TAB2: variants seen among roughly 807,000 people sequenced by gnomAD.
The protein encoded by TAB2 is TGF-beta activated kinase 1 (MAP3K7) binding protein 2, also known as TGF-beta-activated kinase 1 and MAP3K7-binding protein 2.
Under a neutral mutation model 65.0 loss-of-function variants are expected in TAB2, and 3 were observed. The ratio of observed to expected loss-of-function variants is 0.05; its 90% CI spans 0.02 to 0.12. The LOEUF (loss-of-function observed/expected upper bound fraction) is 0.12. TAB2 is among the 10% of genes least tolerant of loss of function. The pLI, the probability that TAB2 is intolerant of heterozygous loss-of-function variation, is 1.00. For missense variants in TAB2, 623 were observed against 840.3 expected (o/e 0.74, Z 3.20); for synonymous variants, 298 against 285.1 (o/e 1.05, Z -0.46).
chr6:149,238,890 G>A (rs73601887), intron 1 of TAB2, among the ~76,000 whole-genome samples: 5 of 152,126 alleles, frequency 3.3e-5, no homozygotes, highest in Admixed American at 6.6e-5. Context: ...CAGAGCCTTC[G>A]CCAATGTTCA....
upstream of TAB2, among the ~76,000 whole-genome samples, chr6:149,314,664 T>C (rs201641387): frequency 7.2e-5 from 11 of 152,354 alleles, no homozygotes; most frequent in East Asian, 2.1e-3. Context: ...TAGTGCAGTC[T>C]GTTCTACTAC....
intron 1 of TAB2, among the ~76,000 whole-genome samples, chr6:149,249,365 A>G (rs1180445440): frequency 1.3e-5 from 2 of 151,920 alleles, no homozygotes; most frequent in African/African-American, 2.4e-5. Context: ...AGGACCTACA[A>G]ATCTAGGACC....
rs868509958 is a variant in TAB2, at chr6:149,322,611, T to G, written c.-90+4596T>G. 2.2e-4 allele frequency among the ~76,000 whole-genome samples: 34 copies of G among 152,302 alleles called. 1 individual carries two copies. The Middle Eastern group carries it at 0.024, about 107-fold the overall frequency. ...GTTAGCTTCTCTGAGCTTGTTTTCT[T>G]CTGTGTAAAATGGATACGATATCTT... On this transcript the variant is annotated intron_variant, in intron 1 of 6. Transcript: ENST00000637181.
At chr6:149,356,684 A>G (rs1780663379) in intron 1 of TAB2, among the ~76,000 whole-genome samples, 1 of 152,150 alleles carries the variant, frequency 6.6e-6, no homozygotes. Flanking sequence ...GGGGGATAGG[A>G]TGTCACATAC....
Position 149,253,720 on chromosome 6 carries a change from G to C in TAB2, c.-121+34944G>C, listed in dbSNP as rs143964545. ...GGGCGGATCGCAAAGTCAAGAGATC[G>C]AGCCCATCCTGGCTAACATGGTGAA... On this transcript the variant is annotated intron_variant, in intron 1 of 1. Transcript: ENST00000606202. Among the ~76,000 whole-genome samples, 317 of 150,864 alleles carry C rather than the reference G, an allele frequency of 2.1e-3. 3 individuals carry two copies. Among genetic ancestry groups the C allele is most frequent in the African/African-American group, 7.4e-3 (304 of 41,074 alleles).
At chr6:149,302,050 T>C (rs980376104) in intron 1 of TAB2, among the ~76,000 whole-genome samples, 7 of 152,204 alleles carry the variant, frequency 4.6e-5, no homozygotes, top group Non-Finnish European at 8.8e-5. Flanking sequence ...TCATTGTATA[T>C]GTTAAAAATC....
chr6:149,218,397 G>A (rs1777066914), upstream of TAB2, among the ~76,000 whole-genome samples: 1 of 152,124 alleles, frequency 6.6e-6, no homozygotes, highest in African/African-American at 2.4e-5. Context: ...GGCTTAATCA[G>A]GGACAAAAAA....
chr6:149,276,217 A>G (rs924847720), intron 1 of TAB2, among the ~76,000 whole-genome samples: 5 of 152,222 alleles, frequency 3.3e-5, no homozygotes, highest in African/African-American at 1.2e-4. Context: ...GTTTATTTTA[A>G]GCCTCAAAGA....
intron 1 of TAB2, among the ~76,000 whole-genome samples, chr6:149,249,725 C>G (rs540270459): frequency 6.6e-6 from 1 of 152,284 alleles, no homozygotes; most frequent in South Asian, 2.1e-4. Context: ...CTCCCGCTTT[C>G]CTGTGCAGAT....
intron 1 of TAB2, among the ~76,000 whole-genome samples, chr6:149,301,339 A>T (rs1778970236): frequency 6.6e-6 from 1 of 152,248 alleles, no homozygotes; most frequent in Non-Finnish European, 1.5e-5. Context: ...AAAGCCTGCC[A>T]GTTAAGCAGT....
chr6:149,219,760 A>G (rs952383448), intron 1 of TAB2, among the ~76,000 whole-genome samples: 2 of 152,174 alleles, frequency 1.3e-5, no homozygotes, highest in East Asian at 1.9e-4. Flanking sequence ...GACTGGCCAG[A>G]TTCTTTCATT....
intron 3 of TAB2, among the ~76,000 whole-genome samples, chr6:149,386,740 G>C (rs1473778906): frequency 6.6e-6 from 1 of 152,130 alleles, no homozygotes; most frequent in Non-Finnish European, 1.5e-5. Context: ...CTCACCAGCT[G>C]TGTGTGAGGG....
At chr6:149,409,477 C>A (rs1782771646) in intron 6 of TAB2, 100 bp from the exon 7 acceptor site, 1 of 1,067,358 alleles carries the variant, frequency 9.4e-7, no homozygotes, top group Non-Finnish European at 1.4e-6. Context: ...GGGGAGCAAG[C>A]TGCATCAGGC....
At chr6:149,334,402 C>T (rs1228931477) in intron 1 of TAB2, among the ~76,000 whole-genome samples, 2 of 152,106 alleles carry the variant, frequency 1.3e-5, no homozygotes, top group African/African-American at 4.8e-5. Flanking sequence ...TTTAGAAAGG[C>T]TTAGCCAGGC....
upstream of TAB2, among the ~76,000 whole-genome samples, chr6:149,315,755 C>G (rs942681611): frequency 6.6e-6 from 1 of 152,116 alleles, no homozygotes; most frequent in African/African-American, 2.4e-5. Context: ...TTTTCCTCTA[C>G]TTGGGTTTGT....
intron 1 of TAB2, among the ~76,000 whole-genome samples, chr6:149,347,768 A>C (rs1780351690): frequency 6.6e-6 from 1 of 152,090 alleles, no homozygotes; most frequent in Non-Finnish European, 1.5e-5. Flanking sequence ...AACATTTATA[A>C]ATTCTTTTAA....
chr6:149,318,344 C>T (rs1779325831), intron 1 of TAB2, among the ~76,000 whole-genome samples: 2 of 151,774 alleles, frequency 1.3e-5, no homozygotes, highest in Non-Finnish European at 2.9e-5. Context: ...GCGCAAGGGG[C>T]TCGGGAGGGC....
At chr6:149,320,871 C>G (rs1010509734) in intron 1 of TAB2, among the ~76,000 whole-genome samples, 1 of 152,082 alleles carries the variant, frequency 6.6e-6, no homozygotes, top group African/African-American at 2.4e-5. Context: ...TTCCCATGAC[C>G]CAGAGAACAC....
In TAB2 at chr6:149,409,980, T is replaced by C; in HGVS notation, c.*261T>C. 1.9e-6 allele frequency: 1 copy of C among 521,864 alleles called. No homozygotes were observed. Among genetic ancestry groups the C allele is most frequent in the Non-Finnish European group, 3.4e-6 (1 of 290,666 alleles). 32.3% of individuals were successfully genotyped at this position (521,864 alleles called of 1,614,324 possible). A position where few individuals can be genotyped will look rare whatever the true frequency, so the allele number is the denominator to read the frequency against. On this transcript the variant is annotated 3_prime_UTR_variant, in exon 7 of 7. Transcript: ENST00000637181. ...GCCTAACTGTGTACAGTGTTACCAG[T>C]GTCCCATTATGGATAATTCTCAATA...
Sources: allele counts gnomAD v4.1 joint callset (sites outside exome capture counted in the v4.1 genomes callset), GRCh38; gene constraint gnomAD v4.1.1; transcripts MANE v1.5; gene names NCBI Gene and HGNC (gene_info 2026-07-23, HGNC 2026-07-21).